The following BBS9 variants were observed in gnomAD, a reference collection of about 807,000 sequenced individuals.
BBS9 encodes the protein protein PTHB1.
BBS9 carries 89 observed loss-of-function variants against 117.7 expected under a neutral mutation model. The ratio of observed to expected loss-of-function variants is 0.76; its 90% CI spans 0.64 to 0.90. The LOEUF is 0.90. Among genes scored for constraint, BBS9 ranks in the 40% least tolerant of loss-of-function variants. The pLI is 0.00. For missense variants in BBS9, 982 were observed against 1,042.2 expected (o/e 0.94, Z 0.80); for synonymous variants, 379 against 370.9 (o/e 1.02, Z -0.25).
At chr7:33,521,830 T>A (rs1372596943) in intron 20 of BBS9, among the ~76,000 whole-genome samples, 1 of 151,732 alleles carries the variant, frequency 6.6e-6, no homozygotes, top group Non-Finnish European at 1.5e-5. Flanking sequence ...TGTGCCATGC[T>A]GGTGCGCTGC....
At chr7:33,475,981 A>G (rs1235856814) in intron 19 of BBS9, among the ~76,000 whole-genome samples, 1 of 152,210 alleles carries the variant, frequency 6.6e-6, no homozygotes, top group Non-Finnish European at 1.5e-5. Context: ...CTGGTGCAAT[A>G]AATACAGAGA....
chr7:33,481,093 A>G (rs1169315383), intron 19 of BBS9, among the ~76,000 whole-genome samples: 1 of 152,212 alleles, frequency 6.6e-6, no homozygotes, highest in Non-Finnish European at 1.5e-5. Context: ...AAAATGGACT[A>G]AGACAGAATG....
intron 9 of BBS9, among the ~76,000 whole-genome samples, chr7:33,330,521 C>A (rs182226199): frequency 6.6e-6 from 1 of 152,042 alleles, no homozygotes; most frequent in East Asian, 1.9e-4. Context: ...TCCTCTGTTG[C>A]GTTCTTATAG....
intron 5 of BBS9, chr7:33,243,043 G>A: frequency 1.9e-6 from 1 of 515,278 alleles, no homozygotes; most frequent in Non-Finnish European, 3.9e-6. Flanking sequence ...AGAATAGTTG[G>A]ATGTGCTAAT....
intron 19 of BBS9, among the ~76,000 whole-genome samples, chr7:33,409,891 T>A (rs1830796193): frequency 6.6e-6 from 1 of 152,200 alleles, no homozygotes; most frequent in Non-Finnish European, 1.5e-5. Context: ...CTCATCTTCC[T>A]TTATGGAAGC....
intron 19 of BBS9, among the ~76,000 whole-genome samples, chr7:33,479,914 GTTGT>G (rs1368106066): frequency 6.6e-6 from 1 of 152,076 alleles, no homozygotes; most frequent in Non-Finnish European, 1.5e-5. Flanking sequence ...TTTTAATGAG[GTTGT>G]TTGTTTTTTG....
intron 19 of BBS9, among the ~76,000 whole-genome samples, chr7:33,481,934 CTGTA>C (rs1255205095): frequency 6.6e-6 from 1 of 152,110 alleles, no homozygotes; most frequent in Non-Finnish European, 1.5e-5. Context: ...GGATGTCGTC[CTGTA>C]GTTTGGGACG....
At chr7:33,365,858 A>G (rs1304437318) in intron 16 of BBS9, among the ~76,000 whole-genome samples, 1 of 152,218 alleles carries the variant, frequency 6.6e-6, no homozygotes, top group African/African-American at 2.4e-5. Context: ...GGGTTACAGG[A>G]TGGGACCTTG....
At chr7:33,497,078 G>A (rs1324431813) in intron 19 of BBS9, among the ~76,000 whole-genome samples, 1 of 152,190 alleles carries the variant, frequency 6.6e-6, no homozygotes, top group African/African-American at 2.4e-5. Context: ...TAGACTGAGA[G>A]TGCGCCTTTC....
intron 1 of BBS9, among the ~76,000 whole-genome samples, chr7:33,138,925 G>T (rs1791011444): frequency 6.6e-6 from 1 of 151,130 alleles, no homozygotes; most frequent in African/African-American, 2.4e-5. Context: ...TATTTTGTCA[G>T]TACAAGTAGA....
At chr7:33,186,355 G>T (rs532820752) in intron 5 of BBS9, among the ~76,000 whole-genome samples, 22 of 152,268 alleles carry the variant, frequency 1.4e-4, no homozygotes, top group Middle Eastern at 3.4e-3. Context: ...AAGTAACTGT[G>T]AGTGGTGGAG....
intron 4 of BBS9, among the ~76,000 whole-genome samples, chr7:33,169,869 G>A (rs1370192850): frequency 6.6e-6 from 1 of 151,232 alleles, no homozygotes; most frequent in South Asian, 2.1e-4. Flanking sequence ...TGGTGTTTTA[G>A]ATATGAAGTC....
intron 5 of BBS9, among the ~76,000 whole-genome samples, chr7:33,200,347 C>T (rs746052260): frequency 1.3e-5 from 2 of 152,108 alleles, no homozygotes; most frequent in Admixed American, 1.3e-4. Flanking sequence ...TCCGCTCTAC[C>T]TTTATTCTTA....
At chr7:33,293,662 A>T (rs1400154501) in intron 9 of BBS9, among the ~76,000 whole-genome samples, 1 of 152,152 alleles carries the variant, frequency 6.6e-6, no homozygotes, top group African/African-American at 2.4e-5. Context: ...CCTTTTCTGT[A>T]TGTCTAAATA....
chr7:33,459,323 C>G (rs752424824), intron 19 of BBS9, among the ~76,000 whole-genome samples: 6 of 151,822 alleles, frequency 4.0e-5, no homozygotes, highest in Admixed American at 6.6e-5. Context: ...GGACATTTGG[C>G]AAAGTCTGGG....
intron 9 of BBS9, among the ~76,000 whole-genome samples, chr7:33,310,822 T>C (rs1204279456): frequency 6.6e-6 from 1 of 152,250 alleles, no homozygotes; most frequent in African/African-American, 2.4e-5. Context: ...ATTTAATTAA[T>C]TCAGCAAGTG....
At chr7:33,478,277 A>C (rs1159044990) in intron 19 of BBS9, among the ~76,000 whole-genome samples, 1 of 152,208 alleles carries the variant, frequency 6.6e-6, no homozygotes, top group African/African-American at 2.4e-5. Context: ...TTTCAGTTTC[A>C]AGGGGTTTAC....
intron 21 of BBS9, among the ~76,000 whole-genome samples, chr7:33,565,538 TC>T (rs1171367861): frequency 6.6e-6 from 1 of 151,934 alleles, no homozygotes; most frequent in Non-Finnish European, 1.5e-5. Context: ...TTATCTTGGT[TC>T]CCTGTCTTTT....
intron 5 of BBS9, among the ~76,000 whole-genome samples, chr7:33,217,412 G>T (rs1700220549): frequency 1.3e-5 from 2 of 152,046 alleles, no homozygotes; most frequent in South Asian, 2.1e-4. Flanking sequence ...CAGCATTTCT[G>T]CTCACATGAG....
Sources: allele counts gnomAD v4.1 joint callset (sites outside exome capture counted in the v4.1 genomes callset), GRCh38; gene constraint gnomAD v4.1.1; transcripts MANE v1.5; gene names NCBI Gene and HGNC (gene_info 2026-07-23, HGNC 2026-07-21).